PPA1: variants seen among roughly 807,000 people sequenced by gnomAD.
PPA1 encodes inorganic pyrophosphatase.
In PPA1, 23 loss-of-function variants were observed where a neutral mutation model predicts 41.8. The observed-to-expected ratio is 0.55, with a 90% CI of 0.40 to 0.78. The LOEUF (loss-of-function observed/expected upper bound fraction) is 0.78, where lower values mean the gene tolerates loss of function less well. Among genes scored for constraint, PPA1 ranks in the 30% least tolerant of loss-of-function variants. The pLI is 0.00. For synonymous variants in PPA1, 101 were observed against 116.8 expected (o/e 0.86, Z 0.87); for missense variants, 320 against 361.6 (o/e 0.89, Z 0.93).
chr10:70,224,445 A>C (rs1840207082), intron 2 of PPA1, among the ~76,000 whole-genome samples: 1 of 152,162 alleles, frequency 6.6e-6, no homozygotes, highest in African/African-American at 2.4e-5. Context: ...AATATCTCCT[A>C]TATCTTGGTT....
At chr10:70,206,057 T>C in intron 9 of PPA1, 1 of 559,414 alleles carries the variant, frequency 1.8e-6, no homozygotes, top group Non-Finnish European at 3.3e-6. Flanking sequence ...GTCCAACTTA[T>C]GATTGATTAG....
chr10:70,218,059 C>T, intron 3 of PPA1, 128 bp from the exon 4 acceptor site: 2 of 860,508 alleles, frequency 2.3e-6, no homozygotes, highest in Middle Eastern at 2.6e-4. Flanking sequence ...TTATCCCTAA[C>T]ACTTTTATAA....
chr10:70,218,807 T>C lies in PPA1; in HGVS notation c.134A>G (p.His45Arg). Reference protein sequence around the residue: ...IPIYADKDVFHMVVEVPRWSN... With the variant: ...IPIYADKDVFRMVVEVPRWSN... ...CCAGCGTGGTACTTCAACTACCATG[T>C]GAAACACATCCTGAAAAAACAAAGA... is the stretch of plus-strand genomic sequence containing the variant. Residue 45 changes from histidine (H) to arginine (R), a missense_variant, in exon 3 of 11, where the codon CAC becomes CGC. Physicochemically the swap from His to Arg is conservative, Grantham distance 29. Transcript: ENST00000373232. 6.2e-7 allele frequency: 1 copy of C among 1,612,122 alleles called. No individual in the cohort carries two copies. The highest frequency in any genetic ancestry group is 8.5e-7 in the Non-Finnish European group (1 of 1,178,454).
intron 5 of PPA1, among the ~76,000 whole-genome samples, chr10:70,213,899 G>A (rs1021418710): frequency 3.3e-5 from 5 of 152,168 alleles, no homozygotes; most frequent in South Asian, 2.1e-4. Flanking sequence ...TCTCAAATAC[G>A]TATCTTAATA....
At chr10:70,231,989 C>T (rs1840294099) in intron 1 of PPA1, among the ~76,000 whole-genome samples, 1 of 152,226 alleles carries the variant, frequency 6.6e-6, no homozygotes, top group Non-Finnish European at 1.5e-5. Flanking sequence ...GGAGCCAACA[C>T]TATTTCCAGA....
Position 70,223,217 on chromosome 10 carries a change from A to AAGAGAGAGAGAGAGAG in PPA1, c.124-4416_124-4401dup, listed in dbSNP as rs10686040. The stretch of plus-strand genomic sequence containing the variant: ...CTGTCTCTTAAAAAACATTTTTTTA[A>AAGAGAGAGAGAGAGAG]AGAGAGAGAGAGAGAGAGACGGGGT... On this transcript the variant is annotated intron_variant, in intron 2 of 10. Coordinates refer to ENST00000373232, the MANE Select transcript of PPA1 (RefSeq NM_021129.4). Among the ~76,000 whole-genome samples the AAGAGAGAGAGAGAGAG allele has an allele frequency of 5.3e-3, 788 of 148,804 alleles. 31 individuals are homozygous for AAGAGAGAGAGAGAGAG. The East Asian group carries it at 0.087, about 16-fold the overall frequency.
chr10:70,221,077 T>TA (rs1491245702), intron 2 of PPA1, among the ~76,000 whole-genome samples: 2,571 of 9,862 alleles, frequency 0.26, 366 homozygotes, highest in African/African-American at 0.28. Flanking sequence ...TATATATATA[T>TA]TTTTTTTTTT....
chr10:70,204,036 G>A (rs570260379), intron 10 of PPA1: 1 of 152,468 alleles, frequency 6.6e-6, no homozygotes, highest in East Asian at 1.9e-4. Flanking sequence ...CTCTTCCTGT[G>A]TATGTTAAAA....
chr10:70,209,053 CAAAGT>C, intron 8 of PPA1, 147 bp downstream of exon 8: 1 of 507,562 alleles, frequency 2.0e-6, no homozygotes, highest in East Asian at 3.2e-5. Context: ...CTTGGCTTCC[CAAAGT>C]GCTGGAATGA....
chr10:70,227,369 G>C (rs933313651), intron 2 of PPA1, among the ~76,000 whole-genome samples: 8 of 152,256 alleles, frequency 5.3e-5, no homozygotes, highest in African/African-American at 1.9e-4. Flanking sequence ...CCTGATATGG[G>C]TTGGACACAG....
Position 70,214,565 on chromosome 10 carries a change from T to C in PPA1, c.319A>G (p.Asn107Asp), listed in dbSNP as rs541562503. Reference protein sequence around the residue: ...IPQTWEDPGHNDKHTGCCGDN... With the variant: ...IPQTWEDPGHDDKHTGCCGDN... ...CCACAACAGCCAGTATGTTTATCAT[T>C]GTGCCCTGGGTCTTCCCAAGTCTAA... The change falls in exon 5 of 11, where the codon AAT becomes GAT. Residue 107 changes from asparagine to aspartate, a missense_variant. By Grantham distance (23) the Asn-to-Asp change is conservative. Transcript: ENST00000373232. 4.5e-5 allele frequency: 73 copies of C among 1,613,696 alleles called. No individual in the cohort carries two copies. The highest frequency in any genetic ancestry group is 5.5e-5 in the South Asian group (5 of 91,064).
intron 4 of PPA1, among the ~76,000 whole-genome samples, chr10:70,214,893 T>A (rs1383449832): frequency 6.6e-6 from 1 of 152,216 alleles, no homozygotes. Context: ...AAACGTTTAC[T>A]TTAAAGATGT....
At chr10:70,226,001 A>G (rs1343343708) in intron 2 of PPA1, among the ~76,000 whole-genome samples, 5 of 152,224 alleles carry the variant, frequency 3.3e-5, no homozygotes, top group Non-Finnish European at 7.3e-5. Context: ...TGTGCCCCTT[A>G]TTCACTTAGA....
At chr10:70,208,351 T>C (rs1285961294) in intron 8 of PPA1, among the ~76,000 whole-genome samples, 1 of 151,972 alleles carries the variant, frequency 6.6e-6, no homozygotes, top group African/African-American at 2.4e-5. Context: ...CTTTTTTTTT[T>C]CTTTTGAGAC....
chr10:70,210,866 C>T (rs539185117), intron 6 of PPA1, among the ~76,000 whole-genome samples: 12 of 151,748 alleles, frequency 7.9e-5, no homozygotes, highest in African/African-American at 2.4e-4. Flanking sequence ...CCCGGGTTCA[C>T]GCCATTCTCC....
intron 1 of PPA1, among the ~76,000 whole-genome samples, chr10:70,230,828 A>G (rs1564587013): frequency 6.6e-6 from 1 of 152,216 alleles, no homozygotes; most frequent in Non-Finnish European, 1.5e-5. Flanking sequence ...AACTGTTTGT[A>G]TACTTCACTT....
chr10:70,223,712 A>G (rs1210631822), intron 2 of PPA1, among the ~76,000 whole-genome samples: 5 of 152,212 alleles, frequency 3.3e-5, no homozygotes, highest in African/African-American at 1.2e-4. Context: ...TATAAAAACT[A>G]TTACTGTTTT....
intron 2 of PPA1, among the ~76,000 whole-genome samples, chr10:70,229,654 T>G (rs1340426427): frequency 6.6e-6 from 1 of 152,232 alleles, no homozygotes; most frequent in Non-Finnish European, 1.5e-5. Flanking sequence ...CATTGAATAA[T>G]CTAGTTTACT....
chr10:70,220,994 T>TATATATA, intron 2 of PPA1, among the ~76,000 whole-genome samples: 1 of 63,736 alleles, frequency 1.6e-5, no homozygotes, highest in African/African-American at 7.9e-5. Flanking sequence ...ATATATAATT[T>TATATATA]ATATATATAA....
Sources: gnomAD v4.1 joint callset for allele counts (sites outside exome capture counted in the v4.1 genomes callset) on GRCh38, gnomAD v4.1.1 for gene constraint, MANE v1.5 for transcripts, NCBI Gene and HGNC (gene_info 2026-07-23, HGNC 2026-07-21) for gene names.